Variants in RELN observed in about 807,000 individuals in gnomAD.
RELN encodes reelin.
A neutral mutation model predicts 427.6 loss-of-function variants in RELN; 108 were observed. The ratio of observed to expected loss-of-function variants is 0.25; its 90% CI spans 0.22 to 0.30. RELN has a LOEUF of 0.30. Among genes scored for constraint, RELN ranks in the 10% least tolerant of loss-of-function variants. The probability of loss-of-function intolerance (pLI) is 1.00; values close to 1 mark genes in which losing one functional copy is unlikely to be tolerated. For missense variants in RELN, 3,715 were observed against 4,302.8 expected (o/e 0.86, Z 3.82); for synonymous variants, 1,524 against 1,513.4 (o/e 1.01, Z -0.16).
chr7:103,835,308 C>A (rs1171743747), intron 2 of RELN, among the ~76,000 whole-genome samples: 4 of 152,102 alleles, frequency 2.6e-5, no homozygotes, highest in Admixed American at 6.5e-5. Context: ...GTAGGATGAA[C>A]AGAAAGGGCA....
At chr7:103,544,359 G>C (rs1210741386) in intron 42 of RELN, among the ~76,000 whole-genome samples, 1 of 148,374 alleles carries the variant, frequency 6.7e-6, no homozygotes, top group Non-Finnish European at 1.5e-5. Flanking sequence ...CTCCCGAGTA[G>C]CTGGGATTAC....
At chr7:103,817,782 C>G (rs1363317316) in intron 3 of RELN, among the ~76,000 whole-genome samples, 1 of 151,444 alleles carries the variant, frequency 6.6e-6, no homozygotes, top group Non-Finnish European at 1.5e-5. Flanking sequence ...CTCGTTTCTA[C>G]TAAAAATACA....
chr7:103,473,432 A>G (rs1161311961), intron 64 of RELN, among the ~76,000 whole-genome samples: 1 of 152,192 alleles, frequency 6.6e-6, no homozygotes, highest in East Asian at 1.9e-4. Context: ...ATGAGACAAA[A>G]TAAGGAGGTC....
At chr7:103,908,315 G>A (rs1014478447) in intron 2 of RELN, among the ~76,000 whole-genome samples, 3 of 152,084 alleles carry the variant, frequency 2.0e-5, no homozygotes, top group East Asian at 1.9e-4. Context: ...ACTTCATTCC[G>A]AGTCTTTAAA....
chr7:103,925,604 G>T (rs1795714984), intron 1 of RELN, among the ~76,000 whole-genome samples: 1 of 152,092 alleles, frequency 6.6e-6, no homozygotes, highest in Admixed American at 6.6e-5. Flanking sequence ...GTGGTGTTCA[G>T]GTTTTCAGCA....
At chr7:103,536,310 C>A (rs908805446) in intron 45 of RELN, among the ~76,000 whole-genome samples, 1 of 152,148 alleles carries the variant, frequency 6.6e-6, no homozygotes, top group African/African-American at 2.4e-5. Flanking sequence ...CCCATACCCC[C>A]TGTCTTTTAT....
At chr7:103,506,033 A>G (rs1829198150) in intron 51 of RELN, among the ~76,000 whole-genome samples, 1 of 152,206 alleles carries the variant, frequency 6.6e-6, no homozygotes. Context: ...GGAAGACAAC[A>G]TTAGAGAAAA....
At chr7:103,575,008 C>T (rs1283797417) in intron 29 of RELN, among the ~76,000 whole-genome samples, 2 of 152,034 alleles carry the variant, frequency 1.3e-5, no homozygotes, top group South Asian at 2.1e-4. Flanking sequence ...TAAAAAATAA[C>T]GTTTCCTATA....
chr7:103,592,697 T>C (rs546251999), intron 27 of RELN, among the ~76,000 whole-genome samples: 7 of 152,336 alleles, frequency 4.6e-5, no homozygotes, highest in African/African-American at 1.4e-4. Context: ...CAGACTTTAA[T>C]ACCTACACAA....
intron 3 of RELN, among the ~76,000 whole-genome samples, chr7:103,816,965 C>T (rs1202724673): frequency 3.3e-5 from 5 of 152,092 alleles, no homozygotes; most frequent in African/African-American, 9.7e-5. Flanking sequence ...GATTCTCCTG[C>T]CCCAGCCTCC....
chr7:103,973,580 T>C, intron 1 of RELN, among the ~76,000 whole-genome samples: 1 of 151,992 alleles, frequency 6.6e-6, no homozygotes, highest in Non-Finnish European at 1.5e-5. Flanking sequence ...AAATTTAAAA[T>C]ATGTACAAAA....
chr7:103,682,080 G>A (rs775162376), intron 11 of RELN, 36 bp downstream of exon 11: 1 of 1,589,288 alleles, frequency 6.3e-7, no homozygotes. Context: ...AAATGTAAGT[G>A]CTACATACAC....
At chr7:103,792,475 ATATAT>A (rs1792188909) in intron 3 of RELN, among the ~76,000 whole-genome samples, 2 of 147,466 alleles carry the variant, frequency 1.4e-5, no homozygotes, top group Non-Finnish European at 3.0e-5. Context: ...AGAGAATCCT[ATATAT>A]TATATGATTC....
intron 57 of RELN, 67 bp from the exon 58 acceptor site, chr7:103,492,093 T>C: frequency 8.0e-7 from 1 of 1,244,982 alleles, no homozygotes; most frequent in Non-Finnish European, 1.2e-6. Context: ...TTAATTAAAA[T>C]CCCATCCGTC....
intron 6 of RELN, among the ~76,000 whole-genome samples, chr7:103,735,177 A>T (rs900002984): frequency 3.9e-5 from 6 of 152,176 alleles, no homozygotes; most frequent in African/African-American, 1.4e-4. Context: ...GCTTTGAACC[A>T]GTGTTTTGTC....
At chr7:103,515,104 T>C in intron 50 of RELN, 81 bp downstream of exon 50, 1 of 1,560,382 alleles carries the variant, frequency 6.4e-7, no homozygotes, top group South Asian at 1.1e-5. Flanking sequence ...AAAGGTTCCA[T>C]ATTTTGCTCT....
At chr7:103,547,520 G>T (rs1054593067) in intron 41 of RELN, among the ~76,000 whole-genome samples, 1 of 152,198 alleles carries the variant, frequency 6.6e-6, no homozygotes, top group Non-Finnish European at 1.5e-5. Flanking sequence ...TGCTCTCAAA[G>T]TCCTGACCTC....
At chr7:103,790,480 G>T (rs971822398) in intron 3 of RELN, among the ~76,000 whole-genome samples, 2 of 151,958 alleles carry the variant, frequency 1.3e-5, no homozygotes, top group Admixed American at 1.3e-4. Context: ...CCAGGCCTGG[G>T]GTAGTCAAAA....
chr7:103,566,216 A>C lies in RELN; in HGVS notation c.4936+8T>G. 6.2e-7 allele frequency: 1 copy of C among 1,605,814 alleles called. No individual in the cohort carries two copies. Among genetic ancestry groups the C allele is most frequent in the Non-Finnish European group, 8.5e-7 (1 of 1,172,538 alleles). ...GATATTTTCCCTTTATCTGGTGACA[A>C]TATATACCTATGTTTTCAGTGAATA... On this transcript the variant is annotated splice_region_variant and intron_variant, in intron 33 of 64. Transcript: ENST00000428762.
Sources: gnomAD v4.1 joint callset for allele counts (sites outside exome capture counted in the v4.1 genomes callset) on GRCh38, gnomAD v4.1.1 for gene constraint, MANE v1.5 for transcripts, NCBI Gene and HGNC (gene_info 2026-07-23, HGNC 2026-07-21) for gene names.